The following NUCKS1 variants were observed in gnomAD, a reference collection of about 807,000 sequenced individuals.
NUCKS1 encodes nuclear ubiquitous casein and cyclin-dependent kinase substrate 1.
A neutral mutation model predicts 33.0 loss-of-function variants in NUCKS1; 2 were observed. That is an observed-to-expected ratio of 0.06 (90% CI 0.02 to 0.19). The LOEUF is 0.19. NUCKS1 is among the 10% of genes least tolerant of loss of function. The pLI is 1.00. For missense variants in NUCKS1, 201 were observed against 293.6 expected (o/e 0.68, Z 2.31); for synonymous variants, 106 against 102.8 (o/e 1.03, Z -0.19).
intron 1 of NUCKS1, among the ~76,000 whole-genome samples, chr1:205,740,821 G>GTA (rs10535162): frequency 0.026 from 3,707 of 145,230 alleles, 157 homozygotes; most frequent in African/African-American, 0.087. Flanking sequence ...CTCCTACTAA[G>GTA]TATATATATA....
chr1:205,725,311 C>T (rs992265227), intron 3 of NUCKS1, among the ~76,000 whole-genome samples: 1 of 152,210 alleles, frequency 6.6e-6, no homozygotes, highest in African/African-American at 2.4e-5. Flanking sequence ...CACATAAAAA[C>T]TGCCTTCAAA....
chr1:205,738,952 C>G (rs1276797496), intron 1 of NUCKS1, among the ~76,000 whole-genome samples: 1 of 152,138 alleles, frequency 6.6e-6, no homozygotes, highest in African/African-American at 2.4e-5. Flanking sequence ...GTTTAAGACA[C>G]CTCCAAAAGC....
intron 4 of NUCKS1, among the ~76,000 whole-genome samples, chr1:205,723,697 T>A (rs938471857): frequency 6.6e-6 from 1 of 152,184 alleles, no homozygotes; most frequent in East Asian, 1.9e-4. Context: ...TTAGATCTAT[T>A]TAATCAGAAA....
intron 1 of NUCKS1, among the ~76,000 whole-genome samples, chr1:205,732,927 A>G (rs1247450088): frequency 6.6e-6 from 1 of 151,990 alleles, no homozygotes; most frequent in Non-Finnish European, 1.5e-5. Context: ...TTCTGGCAAA[A>G]CAGTGATTTT....
chr1:205,749,769 G>T (rs973979047), intron 1 of NUCKS1, among the ~76,000 whole-genome samples, 188 bp downstream of exon 1: 1 of 151,302 alleles, frequency 6.6e-6, no homozygotes, highest in South Asian at 2.1e-4. Flanking sequence ...GCGCGCGCAC[G>T]GGCGCGCAGC....
At chr1:205,723,213 A>G (rs965839300) in intron 4 of NUCKS1, among the ~76,000 whole-genome samples, 1 of 152,226 alleles carries the variant, frequency 6.6e-6, no homozygotes, top group African/African-American at 2.4e-5. Context: ...TATTAGCTAA[A>G]CAGCAGTCTC....
At chr1:205,742,749 C>T (rs1332565169) in intron 1 of NUCKS1, among the ~76,000 whole-genome samples, 2 of 152,076 alleles carry the variant, frequency 1.3e-5, no homozygotes, top group Non-Finnish European at 2.9e-5. Context: ...GGCGTGAACC[C>T]GGGAGGCGGA....
rs1239979421 is a variant in NUCKS1, at chr1:205,736,706, C to T, written c.18-7085G>A. Among the ~76,000 whole-genome samples, 7 of 151,968 alleles carry T rather than the reference C, an allele frequency of 4.6e-5. No individual in the cohort carries two copies. The East Asian group carries it at 1.3e-3, about 29-fold the overall frequency. ...ATTAGCCCGGCGTGGTTGTAGGCGC[C>T]TGTAATCCCAGGTACTTGGGAGGTT... On this transcript the variant is annotated intron_variant, in intron 1 of 6. Transcript: ENST00000367142.
At chr1:205,726,082 C>T (rs1653767775) in intron 3 of NUCKS1, among the ~76,000 whole-genome samples, 1 of 151,994 alleles carries the variant, frequency 6.6e-6, no homozygotes, top group African/African-American at 2.4e-5. Flanking sequence ...GCCCATAGTC[C>T]CAGCTACTCA....
Position 205,720,519 on chromosome 1 carries a change from C to T in NUCKS1, c.364G>A (p.Glu122Lys). The change falls in exon 5 of 7, where the codon GAG becomes AAG. Residue 122 changes from glutamate (E) to lysine (K), a missense_variant. Physicochemically the swap from Glu to Lys is moderately conservative, Grantham distance 56. Transcript: ENST00000367142. Reference protein sequence around the residue: ...GSEEEQEEEDEAPFQEKDSGS... With the variant: ...GSEEEQEEEDKAPFQEKDSGS... ...CACATACTCTCCTGGAATGGTGCCT[C>T]ATCCTCCTCTTCTTGTTCTTCCTCA... The T allele has an allele frequency of 1.9e-6, 3 of 1,613,988 alleles. No homozygotes were observed. The highest frequency in any genetic ancestry group is 2.2e-5 in the South Asian group (2 of 91,014).
chr1:205,743,169 T>C (rs1654223345), intron 1 of NUCKS1, among the ~76,000 whole-genome samples: 1 of 152,176 alleles, frequency 6.6e-6, no homozygotes, highest in Non-Finnish European at 1.5e-5. Context: ...GTTACATTTT[T>C]GGGAAAAAAC....
Position 205,718,341 on chromosome 1 carries a change from G to C in NUCKS1, c.671C>G (p.Pro224Arg). The C allele has an allele frequency of 4.3e-6, 7 of 1,613,382 alleles. No homozygotes were observed. The highest frequency in any genetic ancestry group is 5.1e-6 in the Non-Finnish European group (6 of 1,179,872). Residue 224 changes from proline (P) to arginine (R), a missense_variant, in exon 7 of 7, where the codon CCC (proline) becomes CGC (arginine). Transcript: ENST00000367142. Reference protein sequence around the residue: ...SPPEKKTSTSPPPEKSGDEGS... With the variant: ...SPPEKKTSTSRPPEKSGDEGS... The stretch of plus-strand genomic sequence containing the variant: ...TTCATCCCCAGATTTCTCGGGTGGG[G>C]GGCTTGTAGATGTTTTCTTTTCTGG...
At chr1:205,746,445 TCTCTCTCTCACACACACA>T (rs1201984826) in intron 1 of NUCKS1, among the ~76,000 whole-genome samples, 17 of 84,870 alleles carry the variant, frequency 2.0e-4, no homozygotes, top group African/African-American at 5.8e-4. Flanking sequence ...CTTCTCTCTC[TCTCTCTCTCACACACACA>T]CACACACACA....
At chr1:205,737,809 T>C (rs528153798) in intron 1 of NUCKS1, among the ~76,000 whole-genome samples, 3 of 152,372 alleles carry the variant, frequency 2.0e-5, no homozygotes, top group African/African-American at 4.8e-5. Flanking sequence ...ATTTGTCTTA[T>C]AGTATCGTAT....
Position 205,719,691 on chromosome 1 carries a change from GA to G in NUCKS1, c.383-16del, listed in dbSNP as rs771360063. On this transcript the variant is annotated splice_polypyrimidine_tract_variant and intron_variant, in intron 5 of 6. Coordinates refer to ENST00000367142, the MANE Select transcript of NUCKS1 (RefSeq NM_022731.5). ...GCCGGAATCTTCTGAGAAGAAAGAA[GA>G]ATTTCAACATCTAACTTAATGTACA... The G allele has an allele frequency of 6.2e-7, 1 of 1,602,928 alleles. No homozygotes were observed. The highest frequency in any genetic ancestry group is 1.1e-5 in the South Asian group (1 of 88,084).
intron 1 of NUCKS1, among the ~76,000 whole-genome samples, chr1:205,733,839 A>G (rs1653972234): frequency 6.6e-6 from 1 of 152,078 alleles, no homozygotes; most frequent in Non-Finnish European, 1.5e-5. Context: ...CTATCTAGAC[A>G]GACCTACCTA....
Position 205,750,055 on chromosome 1 carries a change from C to CCCCCCCCCCCCCCCG in NUCKS1, c.-83_-82insCGGGGGGGGGGGGGG. ...CCGCGCGCTCGGCGCCCCACCCCCC[C>CCCCCCCCCCCCCCCG]CGAACTTCAGCCGATGGGACCGCTG... On this transcript the variant is annotated 5_prime_UTR_variant, in exon 1 of 7. Coordinates refer to ENST00000367142, the MANE Select transcript of NUCKS1 (RefSeq NM_022731.5). 1 of 1,299,100 alleles carries CCCCCCCCCCCCCCCG rather than the reference C, an allele frequency of 7.7e-7. No individual in the cohort carries two copies. The highest frequency in any genetic ancestry group is 1.0e-6 in the Non-Finnish European group (1 of 973,386). 80.5% of individuals were successfully genotyped at this position (1,299,100 alleles called of 1,614,324 possible).
In NUCKS1 at chr1:205,717,080, T is replaced by C. The variant is rs1005685124; in HGVS notation, c.*1200A>G. On this transcript the variant is annotated 3_prime_UTR_variant, in exon 7 of 7. Transcript: ENST00000367142. The stretch of plus-strand genomic sequence containing the variant: ...GGTGGTTGGCACTCGGGGTAGGGTG[T>C]GCAGTGGTGCTCTACGAAGCAGCAG... 3.2e-5 allele frequency: 5 copies of C among 157,454 alleles called. No individual in the cohort carries two copies. The highest frequency in any genetic ancestry group is 6.9e-5 in the Non-Finnish European group (5 of 72,840). The allele number at this position is 157,454 out of a possible 1,614,324, so 9.8% of individuals were successfully genotyped here.
Position 205,715,400 on chromosome 1 carries a change from T to A in NUCKS1, c.*2880A>T, listed in dbSNP as rs1230082039. 6 of 152,208 alleles carry A rather than the reference T, an allele frequency of 3.9e-5. No homozygotes were observed. Among genetic ancestry groups the A allele is most frequent in the Non-Finnish European group, 8.8e-5 (6 of 68,030 alleles). 9.4% of individuals were successfully genotyped at this position (152,208 alleles called of 1,614,324 possible). Reference sequence around the variant, plus strand: ...TTAATTTTCCCTTATGGAATCAATATGGAGTGGAAATATGAAATGAGGAGA... The same window carrying A: ...TTAATTTTCCCTTATGGAATCAATAAGGAGTGGAAATATGAAATGAGGAGA... On this transcript the variant is annotated 3_prime_UTR_variant, in exon 7 of 7. Coordinates refer to ENST00000367142, the MANE Select transcript of NUCKS1 (RefSeq NM_022731.5).
Sources: allele counts gnomAD v4.1 joint callset (sites outside exome capture counted in the v4.1 genomes callset), GRCh38; gene constraint gnomAD v4.1.1; transcripts MANE v1.5; gene names NCBI Gene and HGNC (gene_info 2026-07-23, HGNC 2026-07-21).